The following FAT3 variants were observed in gnomAD, a reference collection of about 807,000 sequenced individuals.
The protein encoded by FAT3 is FAT atypical cadherin 3, also known as protocadherin Fat 3.
FAT3 carries 95 observed loss-of-function variants against 310.2 expected under a neutral mutation model. That is an observed-to-expected ratio of 0.31 (90% CI 0.26 to 0.36). The LOEUF is 0.36. Among genes scored for constraint, FAT3 ranks in the 10% least tolerant of loss-of-function variants. The pLI is 1.00. For missense variants in FAT3, 5,408 were observed against 5,715.6 expected (o/e 0.95, Z 1.74); for synonymous variants, 2,314 against 2,192.9 (o/e 1.06, Z -1.54).
At chr11:92,619,754 C>G (rs965489157) in intron 3 of FAT3, among the ~76,000 whole-genome samples, 1 of 151,414 alleles carries the variant, frequency 6.6e-6, no homozygotes, top group African/African-American at 2.4e-5. Flanking sequence ...TCTTCTTTTT[C>G]TTGATCACTC....
chr11:92,443,110 G>A (rs1245546543), intron 2 of FAT3, among the ~76,000 whole-genome samples: 4 of 152,010 alleles, frequency 2.6e-5, no homozygotes, highest in Non-Finnish European at 2.9e-5. Context: ...AGATATTTTC[G>A]TGCCTTATAC....
intron 3 of FAT3, among the ~76,000 whole-genome samples, chr11:92,576,288 G>T (rs490823): frequency 0.74 from 112,435 of 151,684 alleles, 43,917 homozygotes; most frequent in Non-Finnish European, 0.88. Context: ...ACTTCGTTGG[G>T]TTTTAATTAC....
At chr11:92,715,202 G>C (rs1202929172) in intron 4 of FAT3, among the ~76,000 whole-genome samples, 1 of 150,616 alleles carries the variant, frequency 6.6e-6, no homozygotes, top group Non-Finnish European at 1.5e-5. Flanking sequence ...TCAGGAGATC[G>C]AGACCATCCT....
chr11:92,805,336 C>T lies in FAT3; in HGVS notation c.9080C>T (p.Pro3027Leu). Residue 3027 changes from proline to leucine, a missense_variant, in exon 11 of 28, where the codon CCA (proline) becomes CTA (leucine). Physicochemically the swap from Pro to Leu is moderately conservative, Grantham distance 98. Coordinates refer to ENST00000525166, the MANE Select transcript of FAT3 (RefSeq NM_001367949.2). ...GTCAGTGATGTGAATGACAATAGCC[C>T]AGTGTGTGATCAGGTGAGATTTGGG... ...VSVSDVNDNS[P>L]VCDQVAYTAL... 1 of 1,613,242 alleles carries T rather than the reference C, an allele frequency of 6.2e-7. No individual in the cohort carries two copies. Among genetic ancestry groups the T allele is most frequent in the Non-Finnish European group, 8.5e-7 (1 of 1,179,560 alleles).
intron 22 of FAT3, among the ~76,000 whole-genome samples, chr11:92,877,259 C>T (rs1949553451): frequency 6.6e-6 from 1 of 152,126 alleles, no homozygotes; most frequent in African/African-American, 2.4e-5. Flanking sequence ...ACTGGAGGCA[C>T]CAGTCACTTC....
At chr11:92,295,472 C>A (rs939908339) in intron 1 of FAT3, among the ~76,000 whole-genome samples, 1 of 152,118 alleles carries the variant, frequency 6.6e-6, no homozygotes. Flanking sequence ...GAATACAATT[C>A]TTTCACTGAA....
intron 13 of FAT3, among the ~76,000 whole-genome samples, chr11:92,811,205 C>T (rs1452869650): frequency 2.0e-5 from 3 of 152,120 alleles, no homozygotes; most frequent in Admixed American, 1.3e-4. Context: ...GTAATACCTA[C>T]AAATAGTCTC....
intron 4 of FAT3, among the ~76,000 whole-genome samples, chr11:92,732,327 C>G (rs1200143918): frequency 3.9e-5 from 6 of 152,102 alleles, no homozygotes; most frequent in Admixed American, 3.3e-4. Flanking sequence ...ATATAACAAT[C>G]AATGCTCCTG....
At chr11:92,292,112 C>T (rs548228095) in intron 1 of FAT3, among the ~76,000 whole-genome samples, 152 of 152,082 alleles carry the variant, frequency 1.0e-3, no homozygotes, top group African/African-American at 3.3e-3. Flanking sequence ...AATTGAACCA[C>T]GGATGTGAAA....
intron 2 of FAT3, among the ~76,000 whole-genome samples, chr11:92,387,030 A>G (rs897028430): frequency 6.6e-6 from 1 of 150,922 alleles, no homozygotes; most frequent in Non-Finnish European, 1.5e-5. Flanking sequence ...GATAAATGCT[A>G]TGAGCCAGCA....
chr11:92,372,216 C>A (rs1260857829), intron 2 of FAT3, among the ~76,000 whole-genome samples: 3 of 152,070 alleles, frequency 2.0e-5, no homozygotes, highest in Non-Finnish European at 4.4e-5. Context: ...CTGTGGGTAC[C>A]ATCTGGTCAG....
Position 92,867,075 on chromosome 11 carries a change from T to G in FAT3, c.11993T>G (p.Leu3998Arg). The G allele has an allele frequency of 6.3e-7, 1 of 1,592,942 alleles. No homozygotes were observed. The highest frequency in any genetic ancestry group is 8.5e-7 in the Non-Finnish European group (1 of 1,170,016). The change falls in exon 22 of 28, where the codon CTG (leucine) becomes CGG (arginine). Residue 3998 changes from leucine (L) to arginine (R), a missense_variant. This residue lies in a region of FAT3 where 4,588 missense variants were observed against 4,809.8 expected (regional missense o/e 0.95). Coordinates refer to ENST00000525166, the MANE Select transcript of FAT3 (RefSeq NM_001367949.2). ...SVILNNNELP[L>R]QNKRSSFAEV... The stretch of plus-strand genomic sequence containing the variant: ...ATACTGAATAACAATGAGCTGCCGC[T>G]GCAGAACAAGCGCAGCAGCTTCGCG...
At chr11:92,540,943 A>G (rs1954429553) in intron 3 of FAT3, among the ~76,000 whole-genome samples, 1 of 152,136 alleles carries the variant, frequency 6.6e-6, no homozygotes, top group Non-Finnish European at 1.5e-5. Flanking sequence ...TATTCAAGCT[A>G]CAGGAAAAGG....
chr11:92,874,379 A>G (rs1949473940), intron 22 of FAT3, among the ~76,000 whole-genome samples: 1 of 152,130 alleles, frequency 6.6e-6, no homozygotes, highest in Admixed American at 6.5e-5. Context: ...TGTCCATCTC[A>G]CTGTATCTTA....
At chr11:92,845,979 A>T (rs1318771502) in intron 19 of FAT3, among the ~76,000 whole-genome samples, 1 of 152,204 alleles carries the variant, frequency 6.6e-6, no homozygotes, top group Non-Finnish European at 1.5e-5. Context: ...AGAAGCAGGG[A>T]TGTCCAGACT....
In FAT3 at chr11:92,798,962, A is replaced by G. The variant is rs376012766; in HGVS notation, c.5949A>G (p.Thr1983=). ...KEAMDSGLHF[T]QSFYSTSISE... Reference sequence around the variant, plus strand: ...CCATGGACAGCGGCCTCCACTTTACACAAAGCTTCTATTCCACCTCAATCT... The same window carrying G: ...CCATGGACAGCGGCCTCCACTTTACGCAAAGCTTCTATTCCACCTCAATCT... The change falls in exon 10 of 28, where the codon ACA becomes ACG. Residue 1983 remains threonine, a synonymous_variant. Transcript: ENST00000525166. 6.2e-7 allele frequency: 1 copy of G among 1,613,982 alleles called. No individual in the cohort carries two copies.
intron 3 of FAT3, among the ~76,000 whole-genome samples, chr11:92,558,141 C>T (rs1955086493): frequency 6.6e-6 from 1 of 152,172 alleles, no homozygotes. Flanking sequence ...AGACTGTGAT[C>T]CCCAGGAGAG....
intron 1 of FAT3, among the ~76,000 whole-genome samples, chr11:92,261,599 C>T (rs1865557708): frequency 6.6e-6 from 1 of 152,034 alleles, no homozygotes; most frequent in Non-Finnish European, 1.5e-5. Flanking sequence ...CTCAGAGTAG[C>T]ACAACAAAAT....
intron 2 of FAT3, among the ~76,000 whole-genome samples, chr11:92,377,048 G>A (rs11827165): frequency 0.29 from 43,928 of 151,990 alleles, 9,250 homozygotes; most frequent in African/African-American, 0.6. Flanking sequence ...CTTTTTAAAG[G>A]GCTTAAAGGA....
Sources: allele counts gnomAD v4.1 joint callset (sites outside exome capture counted in the v4.1 genomes callset), GRCh38; gene constraint gnomAD v4.1.1; regional missense constraint gnomAD v4.1.1; transcripts MANE v1.5; gene names NCBI Gene and HGNC (gene_info 2026-07-23, HGNC 2026-07-21).